The following EYA4 variants were observed in gnomAD, a reference collection of about 807,000 sequenced individuals.
EYA4 encodes protein phosphatase EYA4.
In EYA4, 31 loss-of-function variants were observed where a neutral mutation model predicts 87.9. The observed-to-expected ratio is 0.35, with a 90% CI of 0.27 to 0.48. EYA4 has a LOEUF of 0.48. Ranked by LOEUF, EYA4 falls within the 20% of genes least tolerant of loss-of-function variation. The probability of loss-of-function intolerance (pLI) is 0.99; values close to 1 mark genes in which losing one functional copy is unlikely to be tolerated. For synonymous variants in EYA4, 263 were observed against 270.6 expected (o/e 0.97, Z 0.28); for missense variants, 678 against 761.4 (o/e 0.89, Z 1.29).
At chr6:133,427,847 T>C (rs1417694908) in intron 3 of EYA4, among the ~76,000 whole-genome samples, 1 of 152,138 alleles carries the variant, frequency 6.6e-6, no homozygotes, top group Admixed American at 6.5e-5. Context: ...ACTTGGTATA[T>C]ACCTAGGGCT....
In EYA4 at chr6:133,528,980, C is replaced by A. The variant is rs527715225; in HGVS notation, c.*175C>A. On this transcript the variant is annotated 3_prime_UTR_variant, in exon 20 of 20. Coordinates refer to ENST00000355286, the MANE Select transcript of EYA4 (RefSeq NM_004100.5). ...TGCTGAATGGAGTTAAACTTTAGTGCTACAGAAAAGAAACTCTATGGTCTT... is the reference window on the plus strand; with the variant it reads ...TGCTGAATGGAGTTAAACTTTAGTGATACAGAAAAGAAACTCTATGGTCTT... The A allele has an allele frequency of 2.1e-5, 31 of 1,452,898 alleles. No individual in the cohort carries two copies. The highest frequency in any genetic ancestry group is 2.8e-5 in the Non-Finnish European group (31 of 1,103,066). The allele number at this position is 1,452,898 out of a possible 1,614,324, so 90.0% of individuals were successfully genotyped here.
At chr6:133,445,712 G>A (rs1020588736) in intron 3 of EYA4, among the ~76,000 whole-genome samples, 1 of 152,004 alleles carries the variant, frequency 6.6e-6, no homozygotes, top group Non-Finnish European at 1.5e-5. Context: ...CGGAGTAGCT[G>A]GGACTACAGG....
chr6:133,286,681 A>T (rs9483570), intron 2 of EYA4, among the ~76,000 whole-genome samples: 8,201 of 152,316 alleles, frequency 0.054, 615 homozygotes, highest in African/African-American at 0.17. Flanking sequence ...AGCTATGAAT[A>T]GGTATTGAGA....
At chr6:133,519,350 C>G (rs1799895805) in intron 17 of EYA4, among the ~76,000 whole-genome samples, 1 of 151,990 alleles carries the variant, frequency 6.6e-6, no homozygotes, top group African/African-American at 2.4e-5. Context: ...AAACTACCAT[C>G]AGAATACTAC....
intron 2 of EYA4, among the ~76,000 whole-genome samples, chr6:133,276,940 C>T (rs531443064): frequency 6.6e-6 from 1 of 151,378 alleles, no homozygotes; most frequent in African/African-American, 2.4e-5. Context: ...GAATCAGCCC[C>T]TTTACATGGA....
At chr6:133,410,672 T>C (rs1327465132) in intron 3 of EYA4, among the ~76,000 whole-genome samples, 1 of 149,080 alleles carries the variant, frequency 6.7e-6, no homozygotes, top group Non-Finnish European at 1.5e-5. Flanking sequence ...CCGTTTGCAT[T>C]GAAGGCTCCC....
At chr6:133,372,260 T>C (rs762398466) in intron 2 of EYA4, among the ~76,000 whole-genome samples, 5 of 152,132 alleles carry the variant, frequency 3.3e-5, no homozygotes, top group Non-Finnish European at 7.4e-5. Context: ...TTTCAGCTCT[T>C]AGTTTACAGG....
chr6:133,508,617 G>T (rs1206900508), intron 14 of EYA4, among the ~76,000 whole-genome samples: 2 of 152,058 alleles, frequency 1.3e-5, no homozygotes, highest in African/African-American at 4.8e-5. Context: ...TTTTGTAGTG[G>T]CACATTAGAA....
chr6:133,353,208 A>G (rs1307584356), intron 2 of EYA4, among the ~76,000 whole-genome samples: 2 of 152,254 alleles, frequency 1.3e-5, no homozygotes, highest in African/African-American at 2.4e-5. Flanking sequence ...TACTTGACCC[A>G]TAAGTTTCTC....
chr6:133,240,828 C>A (rs2128215706), upstream of EYA4: 1 of 152,706 alleles, frequency 6.5e-6, no homozygotes, highest in South Asian at 2.1e-4. Context: ...CTTCTGTCTC[C>A]TCCCTTGGGG....
At chr6:133,361,393 G>T (rs1784437850) in intron 2 of EYA4, among the ~76,000 whole-genome samples, 1 of 152,184 alleles carries the variant, frequency 6.6e-6, no homozygotes. Context: ...CAGGTGTCAT[G>T]TCACCTTGAG....
chr6:133,440,783 A>G (rs890980884), intron 3 of EYA4, among the ~76,000 whole-genome samples: 12 of 152,226 alleles, frequency 7.9e-5, no homozygotes, highest in African/African-American at 2.7e-4. Flanking sequence ...ATAAAGCTGA[A>G]TGGAGAGTTG....
At chr6:133,294,403 C>T (rs1442035147) in intron 2 of EYA4, among the ~76,000 whole-genome samples, 4 of 141,164 alleles carry the variant, frequency 2.8e-5, no homozygotes, top group African/African-American at 1.1e-4. Context: ...AGTCTTACTT[C>T]ATTGCCCAGG....
intron 13 of EYA4, among the ~76,000 whole-genome samples, chr6:133,490,460 G>A (rs598286): frequency 0.44 from 66,162 of 150,904 alleles, 14,710 homozygotes; most frequent in Admixed American, 0.48. Flanking sequence ...ACCTATAAAG[G>A]CACACAGAGA....
chr6:133,513,165 G>A (rs562233943), intron 16 of EYA4, 127 bp downstream of exon 16: 8 of 952,144 alleles, frequency 8.4e-6, no homozygotes, highest in East Asian at 2.5e-5. Flanking sequence ...ACCACATTGA[G>A]CCAGAAGTTT....
chr6:133,397,211 C>T (rs1359856152), intron 3 of EYA4, among the ~76,000 whole-genome samples: 1 of 152,166 alleles, frequency 6.6e-6, no homozygotes, highest in Non-Finnish European at 1.5e-5. Context: ...CCCTCAATAC[C>T]TTAGAAAAGC....
At chr6:133,460,672 C>T (rs1794301742) in intron 6 of EYA4, among the ~76,000 whole-genome samples, 1 of 151,964 alleles carries the variant, frequency 6.6e-6, no homozygotes, top group African/African-American at 2.4e-5. Context: ...TGGAACATCA[C>T]AGTCTTATTT....
intron 2 of EYA4, among the ~76,000 whole-genome samples, chr6:133,333,560 C>G (rs1239970358): frequency 6.6e-6 from 1 of 152,106 alleles, no homozygotes; most frequent in Non-Finnish European, 1.5e-5. Context: ...GACAGTCTCT[C>G]AATATTTGCT....
chr6:133,456,806 G>C (rs1389998721), intron 6 of EYA4, among the ~76,000 whole-genome samples, 158 bp downstream of exon 6: 1 of 152,108 alleles, frequency 6.6e-6, no homozygotes, highest in African/African-American at 2.4e-5. Context: ...AGTCATAGCA[G>C]TATGCATTGT....
Sources: gnomAD v4.1 joint callset for allele counts (sites outside exome capture counted in the v4.1 genomes callset) on GRCh38, gnomAD v4.1.1 for gene constraint, MANE v1.5 for transcripts, NCBI Gene and HGNC (gene_info 2026-07-23, HGNC 2026-07-21) for gene names.